The following PARN variants were observed in gnomAD, a reference collection of about 807,000 sequenced individuals.
PARN encodes the protein poly(A)-specific ribonuclease.
In PARN, 71 loss-of-function variants were observed where a neutral mutation model predicts 102.8. That is an observed-to-expected ratio of 0.69 (90% CI 0.57 to 0.84). The LOEUF (loss-of-function observed/expected upper bound fraction) is 0.84. PARN is among the 40% of genes least tolerant of loss of function. The pLI is 0.00. For missense variants in PARN, 782 were observed against 760.9 expected (o/e 1.03, Z -0.33); for synonymous variants, 261 against 252.9 (o/e 1.03, Z -0.30).
chr16:14,566,459 G>A (rs1286696514), intron 18 of PARN, among the ~76,000 whole-genome samples: 1 of 152,218 alleles, frequency 6.6e-6, no homozygotes, highest in Non-Finnish European at 1.5e-5. Context: ...CAGAGCCTCT[G>A]GAGGGAGCTC....
At chr16:14,515,265 C>T (rs992627510) in intron 21 of PARN, among the ~76,000 whole-genome samples, 2 of 151,652 alleles carry the variant, frequency 1.3e-5, no homozygotes, top group African/African-American at 2.4e-5. Context: ...CTTGTGCCAC[C>T]ACTCCTGGCT....
chr16:14,628,072 T>G, intron 3 of PARN, 100 bp downstream of exon 3: 1 of 769,638 alleles, frequency 1.3e-6, no homozygotes, highest in Non-Finnish European at 2.2e-6. Context: ...AATACTGCAC[T>G]TACAAAACCT....
chr16:14,584,218 G>A (rs764562079), intron 16 of PARN, 129 bp downstream of exon 16: 19 of 624,230 alleles, frequency 3.0e-5, no homozygotes, highest in Non-Finnish European at 4.0e-5. Flanking sequence ...CACACGGTAC[G>A]TGCAAGTGAA....
intron 22 of PARN, among the ~76,000 whole-genome samples, chr16:14,459,174 T>C (rs2151570743): frequency 6.6e-6 from 1 of 152,156 alleles, no homozygotes; most frequent in East Asian, 1.9e-4. Flanking sequence ...GCCAGAGAAA[T>C]AAAGGCAAGA....
chr16:14,593,373 T>C lies in PARN; in HGVS notation c.846A>G (p.Lys282=). Residue 282 remains lysine (K), a synonymous_variant, in exon 13 of 24, where the codon AAA becomes AAG. Transcript: ENST00000437198. ...AGAGCATATTGTGTCCAATAACAAGTTTTCCCTAAAGAAAGTCAAGGTTAG... is the reference window on the plus strand; with the variant it reads ...AGAGCATATTGTGTCCAATAACAAGCTTTCCCTAAAGAAAGTCAAGGTTAG... ...RVIHAIANSG[K]LVIGHNMLLD... 3 of 1,587,284 alleles carry C rather than the reference T, an allele frequency of 1.9e-6. No individual in the cohort carries two copies. Among genetic ancestry groups the C allele is most frequent in the Non-Finnish European group, 2.6e-6 (3 of 1,156,482 alleles).
chr16:14,543,365 G>A (rs1396153690), intron 21 of PARN, among the ~76,000 whole-genome samples: 1 of 152,144 alleles, frequency 6.6e-6, no homozygotes, highest in Non-Finnish European at 1.5e-5. Context: ...AAGAAACCTG[G>A]ATCTTCAGGC....
intron 18 of PARN, among the ~76,000 whole-genome samples, chr16:14,568,168 G>C (rs2151729573): frequency 6.6e-6 from 1 of 151,838 alleles, no homozygotes. Flanking sequence ...TGGGTGACAG[G>C]GCGCGACCTC....
intron 22 of PARN, among the ~76,000 whole-genome samples, chr16:14,456,978 G>C (rs994033363): frequency 2.0e-5 from 3 of 152,126 alleles, no homozygotes; most frequent in African/African-American, 4.8e-5. Flanking sequence ...CGTTCCATGA[G>C]AGCAGGCTCT....
intron 6 of PARN, among the ~76,000 whole-genome samples, chr16:14,611,671 G>C (rs1328331842): frequency 6.6e-6 from 1 of 152,142 alleles, no homozygotes; most frequent in East Asian, 1.9e-4. Flanking sequence ...CTCCCGAGTA[G>C]CTGGAATTAC....
intron 18 of PARN, among the ~76,000 whole-genome samples, chr16:14,565,860 C>G (rs1050358085): frequency 1.3e-5 from 2 of 152,174 alleles, no homozygotes; most frequent in Non-Finnish European, 2.9e-5. Flanking sequence ...TCTATGAGGG[C>G]TGCCTTTAGA....
intron 21 of PARN, among the ~76,000 whole-genome samples, chr16:14,490,155 C>T (rs1205453711): frequency 6.6e-6 from 1 of 151,902 alleles, no homozygotes; most frequent in Non-Finnish European, 1.5e-5. Flanking sequence ...GAGACCCTGT[C>T]TCAAATAAAT....
At chr16:14,450,249 G>C (rs1181121937) in intron 22 of PARN, among the ~76,000 whole-genome samples, 1 of 152,218 alleles carries the variant, frequency 6.6e-6, no homozygotes, top group Non-Finnish European at 1.5e-5. Flanking sequence ...ATCTTGAGTA[G>C]GGTGTGGGAG....
intron 13 of PARN, 86 bp downstream of exon 13, chr16:14,593,215 A>C (rs1473912208): frequency 1.2e-5 from 9 of 754,590 alleles, no homozygotes; most frequent in Non-Finnish European, 1.9e-5. Flanking sequence ...CAAGTAGAGG[A>C]CAGTTCAGTT....
intron 13 of PARN, among the ~76,000 whole-genome samples, chr16:14,590,379 A>T (rs1050445470): frequency 2.6e-5 from 4 of 151,780 alleles, no homozygotes; most frequent in African/African-American, 9.7e-5. Context: ...TCACGCCTGT[A>T]ATCCCAGAAC....
chr16:14,485,085 T>C (rs1963595125), intron 21 of PARN, among the ~76,000 whole-genome samples: 1 of 152,176 alleles, frequency 6.6e-6, no homozygotes, highest in Non-Finnish European at 1.5e-5. Context: ...ATGTTCATAT[T>C]ATACAATGTC....
At position 14,610,702 on chromosome 16, in the gene PARN, T is replaced by C. The variant is rs370388189; in HGVS notation, c.496A>G (p.Thr166Ala). 1 of 1,609,548 alleles carries C rather than the reference T, an allele frequency of 6.2e-7. No individual in the cohort carries two copies. Among genetic ancestry groups the C allele is most frequent in the East Asian group, 2.2e-5 (1 of 44,868 alleles). ...AGALSYVSPN[T>A]SKCPVTIPED... ...GGAATCGTGACAGGACATTTTGAAG[T>C]GTTAGGAGATACATAGGACAGAGCT... Residue 166 changes from threonine (T) to alanine (A), a missense_variant, in exon 7 of 24, where the codon ACT becomes GCT. Thr to Ala is a moderately conservative substitution (Grantham distance 58, BLOSUM62 0). Transcript: ENST00000437198.
At position 14,590,503 on chromosome 16, in the gene PARN, C is replaced by T. The variant is rs149680092; in HGVS notation, c.918+2798G>A. On this transcript the variant is annotated intron_variant, in intron 13 of 23. Coordinates refer to ENST00000437198, the MANE Select transcript of PARN (RefSeq NM_002582.4). ...TACAAAAATTACCCGGGCATGGTAG[C>T]AGGCATCTGTAATCCCAGCTCCTCA... Among the ~76,000 whole-genome samples, 145 of 151,686 alleles carry T rather than the reference C, an allele frequency of 9.6e-4. 2 individuals carry two copies. In the East Asian group the frequency reaches 0.023, roughly 24 times the overall value.
intron 18 of PARN, among the ~76,000 whole-genome samples, chr16:14,556,832 C>T (rs998277978): frequency 2.0e-5 from 3 of 151,978 alleles, no homozygotes; most frequent in Admixed American, 2.0e-4. Flanking sequence ...TGGATAAATG[C>T]TAATCTCTCT....
intron 23 of PARN, among the ~76,000 whole-genome samples, chr16:14,437,864 A>ACCACTAAGCATTAAT (rs1193665848): frequency 2.6e-5 from 4 of 152,216 alleles, no homozygotes; most frequent in African/African-American, 9.6e-5. Context: ...ATCATCAGTA[A>ACCACTAAGCATTAAT]CAGGGATGCT....
Sources: allele counts gnomAD v4.1 joint callset (sites outside exome capture counted in the v4.1 genomes callset), GRCh38; gene constraint gnomAD v4.1.1; transcripts MANE v1.5; gene names NCBI Gene and HGNC (gene_info 2026-07-23, HGNC 2026-07-21).